Variants in NARS2 observed in about 807,000 individuals in gnomAD.
NARS2 encodes asparaginyl-tRNA synthetase.
A neutral mutation model predicts 62.9 loss-of-function variants in NARS2; 60 were observed. That is an observed-to-expected ratio of 0.95 (90% confidence interval 0.77 to 1.18). The LOEUF is 1.18. Ranked by LOEUF, NARS2 falls within the 50% of genes most tolerant of loss-of-function variation. The pLI is 0.00. For synonymous variants in NARS2, 196 were observed against 200.0 expected, an observed-to-expected ratio of 0.98 and a Z score of 0.17; for missense variants, 619 against 576.4, an observed-to-expected ratio of 1.07 and a Z score of -0.76.
intron 9 of NARS2, among the ~76,000 whole-genome samples, chr11:78,477,818 T>C (rs899895154): frequency 3.9e-5 from 6 of 152,190 alleles, no homozygotes; most frequent in East Asian, 1.9e-4. Flanking sequence ...ATGGCAACTC[T>C]TCCTTGACTC....
chr11:78,557,565 A>T (rs1238100264), intron 5 of NARS2, among the ~76,000 whole-genome samples: 1 of 152,186 alleles, frequency 6.6e-6, no homozygotes, highest in African/African-American at 2.4e-5. Context: ...CTAGATCCTG[A>T]CTGTAGGAGC....
chr11:78,454,178 C>T (rs1021028434), intron 11 of NARS2, among the ~76,000 whole-genome samples: 2 of 152,166 alleles, frequency 1.3e-5, no homozygotes, highest in African/African-American at 4.8e-5. Flanking sequence ...TAAAGTATGA[C>T]CTATGGGAAT....
intron 5 of NARS2, among the ~76,000 whole-genome samples, chr11:78,529,990 A>C (rs1861421658): frequency 6.6e-6 from 1 of 152,228 alleles, no homozygotes. Flanking sequence ...AAATAAAGTT[A>C]TTTAATTTCA....
intron 5 of NARS2, among the ~76,000 whole-genome samples, chr11:78,531,842 G>C (rs558080591): frequency 1.3e-5 from 2 of 152,264 alleles, no homozygotes; most frequent in South Asian, 4.1e-4. Context: ...AATCCATAGA[G>C]ACAGATGGAT....
chr11:78,520,241 T>C (rs1001538926), intron 6 of NARS2, among the ~76,000 whole-genome samples: 22 of 152,206 alleles, frequency 1.4e-4, no homozygotes, highest in East Asian at 1.9e-4. Flanking sequence ...CCTCTGAAGA[T>C]TCTAGGGAAG....
chr11:78,554,910 G>A (rs1316634587), intron 5 of NARS2, among the ~76,000 whole-genome samples: 2 of 152,218 alleles, frequency 1.3e-5, no homozygotes, highest in African/African-American at 4.8e-5. Flanking sequence ...GTTTGTCATA[G>A]ATGGCTCTTA....
intron 11 of NARS2, among the ~76,000 whole-genome samples, chr11:78,448,606 C>T (rs146531010): frequency 5.9e-5 from 9 of 152,076 alleles, no homozygotes; most frequent in South Asian, 2.1e-4. Flanking sequence ...CCACTGTGCC[C>T]GGCAGTAATC....
intron 11 of NARS2, among the ~76,000 whole-genome samples, chr11:78,453,586 T>C (rs748601629): frequency 6.6e-6 from 1 of 152,186 alleles, no homozygotes; most frequent in Non-Finnish European, 1.5e-5. Context: ...TCAGTATTTT[T>C]AAATATTGAT....
Position 78,574,743 on chromosome 11 carries a change from A to T in NARS2, c.-255T>A. 1 of 468,182 alleles carries T rather than the reference A, an allele frequency of 2.1e-6. No homozygotes were observed. Among genetic ancestry groups the T allele is most frequent in the Non-Finnish European group, 3.8e-6 (1 of 264,282 alleles). 29.0% of individuals were successfully genotyped at this position (468,182 alleles called of 1,614,324 possible). On this transcript the variant is annotated 5_prime_UTR_variant, in exon 1 of 14. Transcript: ENST00000281038. ...CAAACGCCAGAAAGAAACCACGTGC[A>T]GTTGGCAGCTGGGGCGCCCCACTAC...
intron 10 of NARS2, among the ~76,000 whole-genome samples, chr11:78,467,338 C>G (rs139300902): frequency 2.0e-4 from 30 of 152,020 alleles, no homozygotes; most frequent in African/African-American, 7.0e-4. Context: ...GCACAGAAGC[C>G]CGAGACTAGC....
Position 78,568,630 on chromosome 11 carries a change from A to G in NARS2, c.372+2T>C. On this transcript the variant is annotated splice_donor_variant, in intron 3 of 13. Transcript: ENST00000281038. LOFTEE classifies it high-confidence loss of function. ...CCTCCACAAAAGTGTCAGAAATCAT[A>G]CCTTGGCATCACAATTTCCAATAAC... 1 of 1,611,862 alleles carries G rather than the reference A, an allele frequency of 6.2e-7. No homozygotes were observed. Among genetic ancestry groups the G allele is most frequent in the Non-Finnish European group, 8.5e-7 (1 of 1,178,712 alleles).
chr11:78,496,340 G>C (rs1393587680), intron 6 of NARS2, among the ~76,000 whole-genome samples: 2 of 152,016 alleles, frequency 1.3e-5, no homozygotes, highest in African/African-American at 2.4e-5. Context: ...GATCATTATG[G>C]GCCAAGCACT....
At position 78,480,362 on chromosome 11, in the gene NARS2, G is replaced by A. The variant is rs533604038; in HGVS notation, c.823-1679C>T. Among the ~76,000 whole-genome samples, 374 of 151,860 alleles carry A rather than the reference G, an allele frequency of 2.5e-3. 1 individual carries two copies. Among genetic ancestry groups the A allele is most frequent in the African/African-American group, 8.2e-3 (341 of 41,378 alleles). ...CTCTGCCTCCTGGGTTCAAGCAATT[G>A]TCCTGCCTCAGCCTCCTTAGCAGCT... On this transcript the variant is annotated intron_variant, in intron 7 of 13. Coordinates refer to ENST00000281038, the MANE Select transcript of NARS2 (RefSeq NM_024678.6).
intron 6 of NARS2, among the ~76,000 whole-genome samples, chr11:78,527,926 T>C (rs1861348305): frequency 6.6e-6 from 1 of 152,120 alleles, no homozygotes; most frequent in African/African-American, 2.4e-5. Context: ...CTAGGACACA[T>C]GGTGAGAACC....
rs574958011 is a variant in NARS2, at chr11:78,547,913, C to T, written c.594+11626G>A. On this transcript the variant is annotated intron_variant, in intron 5 of 13. Coordinates refer to ENST00000281038, the MANE Select transcript of NARS2 (RefSeq NM_024678.6). ...TAAGTAAGAAATCATTGATGAACAACTGAATGTTAAAACAGGCTATAGTAG... is the reference window on the plus strand; with the variant it reads ...TAAGTAAGAAATCATTGATGAACAATTGAATGTTAAAACAGGCTATAGTAG... 6.0e-5 allele frequency among the ~76,000 whole-genome samples: 9 copies of T among 151,228 alleles called. No individual in the cohort carries two copies. In the South Asian group the frequency reaches 1.3e-3, roughly 21 times the overall value.
At chr11:78,446,075 G>A (rs966761999) in intron 11 of NARS2, among the ~76,000 whole-genome samples, 4 of 152,164 alleles carry the variant, frequency 2.6e-5, no homozygotes, top group African/African-American at 9.7e-5. Flanking sequence ...AAGATTTCAT[G>A]TAACAAATGA....
chr11:78,496,563 CAAT>C (rs1042406117), intron 6 of NARS2, among the ~76,000 whole-genome samples: 3 of 152,104 alleles, frequency 2.0e-5, no homozygotes, highest in Non-Finnish European at 2.9e-5. Flanking sequence ...ATACTAACAA[CAAT>C]GATGCTCAAA....
chr11:78,474,951 T>C (rs1859026014), intron 9 of NARS2, among the ~76,000 whole-genome samples: 3 of 152,172 alleles, frequency 2.0e-5, no homozygotes, highest in South Asian at 4.1e-4. Flanking sequence ...TCTACTCCTT[T>C]AGCAATTTTG....
chr11:78,573,024 T>C (rs2135551194), intron 1 of NARS2: 1 of 152,358 alleles, frequency 6.6e-6, no homozygotes, highest in South Asian at 2.1e-4. Context: ...TTTTCATCTT[T>C]GAATTTTCTC....
Sources: gnomAD v4.1 joint callset for allele counts (sites outside exome capture counted in the v4.1 genomes callset) on GRCh38, gnomAD v4.1.1 for gene constraint, MANE v1.5 for transcripts, NCBI Gene and HGNC (gene_info 2026-07-23, HGNC 2026-07-21) for gene names.